The following PRKN variants were observed in gnomAD, a reference collection of about 807,000 sequenced individuals.
The protein encoded by PRKN is E3 ubiquitin-protein ligase parkin.
In PRKN, 56 loss-of-function variants were observed where a neutral mutation model predicts 59.5. The observed-to-expected ratio is 0.94, with a 90% CI of 0.76 to 1.18. The LOEUF (loss-of-function observed/expected upper bound fraction) is 1.18. Among genes scored for constraint, PRKN ranks in the 50% most tolerant of loss-of-function variants. The pLI, the probability that PRKN is intolerant of heterozygous loss-of-function variation, is 0.00. For synonymous variants in PRKN, 250 were observed against 222.1 expected (o/e 1.13, Z -1.12); for missense variants, 657 against 596.4 (o/e 1.10, Z -1.06).
intron 1 of PRKN, among the ~76,000 whole-genome samples, chr6:162,619,039 TAAC>T (rs1463429867): frequency 2.0e-5 from 3 of 152,254 alleles, no homozygotes; most frequent in Admixed American, 6.5e-5. Context: ...ATGACTATAA[TAAC>T]TTTACAAAAC....
intron 3 of PRKN, among the ~76,000 whole-genome samples, chr6:162,242,660 A>G (rs1779030232): frequency 6.6e-6 from 1 of 152,208 alleles, no homozygotes; most frequent in Admixed American, 6.5e-5. Context: ...AACAAATGCC[A>G]TCAACATCTG....
chr6:161,421,004 G>T (rs974297907), intron 9 of PRKN, among the ~76,000 whole-genome samples: 3 of 152,252 alleles, frequency 2.0e-5, no homozygotes, highest in South Asian at 2.1e-4. Context: ...AATTTTGTAT[G>T]TGAACCATTG....
intron 1 of PRKN, among the ~76,000 whole-genome samples, chr6:162,565,843 T>G (rs1243262474): frequency 1.3e-5 from 2 of 151,952 alleles, no homozygotes; most frequent in Admixed American, 6.6e-5. Flanking sequence ...AGAAACACAC[T>G]TCACTATAAA....
At chr6:162,043,913 C>T (rs1353720190) in intron 5 of PRKN, among the ~76,000 whole-genome samples, 4 of 152,118 alleles carry the variant, frequency 2.6e-5, no homozygotes, top group South Asian at 2.1e-4. Flanking sequence ...TGGAGAAACA[C>T]GAACAGTCAA....
chr6:162,111,394 G>C lies in PRKN; in HGVS notation c.535-57220C>G, dbSNP rs539755453. ...GCAGGAGAATGGTGTGAACCTGGGAGGCAGAGCTTGCAGTGAGCCGAGACT... is the reference window on the plus strand; with the variant it reads ...GCAGGAGAATGGTGTGAACCTGGGACGCAGAGCTTGCAGTGAGCCGAGACT... On this transcript the variant is annotated intron_variant, in intron 4 of 11. Transcript: ENST00000366898. Among the ~76,000 whole-genome samples the C allele has an allele frequency of 2.0e-5, 3 of 152,206 alleles. No homozygotes were observed. In the South Asian group the frequency reaches 6.2e-4, roughly 32 times the overall value.
chr6:162,004,307 C>T (rs1782167227), intron 5 of PRKN, among the ~76,000 whole-genome samples: 1 of 152,162 alleles, frequency 6.6e-6, no homozygotes, highest in Non-Finnish European at 1.5e-5. Context: ...CCTCACTTTC[C>T]CTTTGTCTTC....
At chr6:162,404,041 T>G (rs1257277338) in intron 2 of PRKN, among the ~76,000 whole-genome samples, 1 of 152,118 alleles carries the variant, frequency 6.6e-6, no homozygotes. Context: ...AAATAGAGGT[T>G]GGTTGGCAAT....
chr6:161,892,209 G>C (rs1795367728), intron 6 of PRKN, among the ~76,000 whole-genome samples: 1 of 152,070 alleles, frequency 6.6e-6, no homozygotes, highest in Non-Finnish European at 1.5e-5. Context: ...TGAGGTGGGA[G>C]GATCTCTTGA....
rs1781211793 is a variant in PRKN, at chr6:161,578,355, A to T, written c.872-8939T>A. Among the ~76,000 whole-genome samples the T allele has an allele frequency of 1.3e-5, 2 of 152,192 alleles. No homozygotes were observed. Among genetic ancestry groups the T allele is most frequent in the Admixed American group, 1.3e-4 (2 of 15,284 alleles). ...AGCTTGTAAAGCAATAAATAACTTC[A>T]CTGTTTGCTTCAAGAAACTCCTGCA... On this transcript the variant is annotated intron_variant, in intron 7 of 11. Coordinates refer to ENST00000366898, the MANE Select transcript of PRKN (RefSeq NM_004562.3). This position sits in a 1 kb window ranked among gnomAD's most constrained non-coding sequence, Gnocchi z 4.2.
intron 1 of PRKN, among the ~76,000 whole-genome samples, chr6:162,596,960 C>A (rs902622158): frequency 2.6e-5 from 4 of 152,168 alleles, no homozygotes; most frequent in African/African-American, 7.2e-5. Flanking sequence ...TATACTAGTT[C>A]CGGGTTTCAG....
intron 7 of PRKN, among the ~76,000 whole-genome samples, chr6:161,670,466 TC>T (rs755677663): frequency 2.0e-5 from 3 of 152,134 alleles, no homozygotes; most frequent in Non-Finnish European, 4.4e-5. Context: ...GATCTCTGCC[TC>T]TGTATGCATG....
chr6:162,709,335 C>T (rs1778444446), intron 1 of PRKN, among the ~76,000 whole-genome samples: 1 of 151,656 alleles, frequency 6.6e-6, no homozygotes, highest in Non-Finnish European at 1.5e-5. Flanking sequence ...TTGGAGACTA[C>T]TGTCTTACTG....
intron 6 of PRKN, among the ~76,000 whole-genome samples, chr6:161,911,447 G>A (rs573875928): frequency 3.3e-5 from 5 of 152,248 alleles, no homozygotes; most frequent in South Asian, 2.1e-4. Flanking sequence ...GATGACTTCC[G>A]GGGTTGTTTT....
chr6:161,765,199 C>A (rs943527023), intron 7 of PRKN, among the ~76,000 whole-genome samples: 1 of 152,122 alleles, frequency 6.6e-6, no homozygotes, highest in African/African-American at 2.4e-5. Flanking sequence ...TCATATATTA[C>A]TTGGGGACGT....
At chr6:162,010,320 AT>A (rs1277291752) in intron 5 of PRKN, among the ~76,000 whole-genome samples, 2 of 124,900 alleles carry the variant, frequency 1.6e-5, no homozygotes, top group Non-Finnish European at 3.2e-5. Context: ...TATTTTATAT[AT>A]TTATAATATA....
intron 4 of PRKN, among the ~76,000 whole-genome samples, chr6:162,099,582 A>AC (rs1779880926): frequency 2.0e-5 from 3 of 152,218 alleles, no homozygotes; most frequent in Non-Finnish European, 4.4e-5. Flanking sequence ...ATTGAAGTAT[A>AC]ATACATGTAT....
At chr6:162,436,148 C>T (rs1789755547) in intron 2 of PRKN, among the ~76,000 whole-genome samples, 2 of 120,668 alleles carry the variant, frequency 1.7e-5, no homozygotes, top group Non-Finnish European at 3.2e-5. Flanking sequence ...TGCACTCCAG[C>T]CTAGGCGACA....
intron 2 of PRKN, among the ~76,000 whole-genome samples, chr6:162,281,724 C>T (rs966718812): frequency 4.6e-5 from 7 of 152,196 alleles, no homozygotes; most frequent in Non-Finnish European, 1.0e-4. Context: ...CAGCTCATTA[C>T]AGTTTTGAGG....
intron 6 of PRKN, among the ~76,000 whole-genome samples, chr6:161,859,422 C>A (rs1352621337): frequency 6.6e-6 from 1 of 151,588 alleles, no homozygotes; most frequent in East Asian, 2.0e-4. Flanking sequence ...GGCCAACATG[C>A]TGAAACTCCA....
Sources: gnomAD v4.1 joint callset for allele counts (sites outside exome capture counted in the v4.1 genomes callset) on GRCh38, gnomAD v4.1.1 for gene constraint, Gnocchi (gnomAD v3.1) non-coding constraint, MANE v1.5 for transcripts, NCBI Gene and HGNC (gene_info 2026-07-23, HGNC 2026-07-21) for gene names.